SNAPC3: variants seen among roughly 807,000 people sequenced by gnomAD.
The protein encoded by SNAPC3 is small nuclear RNA activating complex polypeptide 3.
A neutral mutation model predicts 47.7 loss-of-function variants in SNAPC3; 56 were observed. The ratio of observed to expected loss-of-function variants is 1.18; its 90% CI spans 0.95 to 1.47. The LOEUF (loss-of-function observed/expected upper bound fraction) is 1.47, where lower values mean the gene tolerates loss of function less well. SNAPC3 is among the 40% of genes most tolerant of loss of function. SNAPC3 has a pLI of 0.00. For missense variants in SNAPC3, 665 were observed against 511.3 expected (o/e 1.30, Z -2.90); for synonymous variants, 235 against 189.9 (o/e 1.24, Z -1.95).
At position 15,459,921 on chromosome 9, in the gene SNAPC3, G is replaced by T; in HGVS notation, c.*55G>T. On this transcript the variant is annotated 3_prime_UTR_variant, in exon 9 of 9. Coordinates refer to ENST00000380821, the MANE Select transcript of SNAPC3 (RefSeq NM_001039697.2). ...CATGAAATAACTGTTCTCTTGGATG[G>T]TTACCTTATTTCTAAGAAACGCCAC... 3 of 1,508,756 alleles carry T rather than the reference G, an allele frequency of 2.0e-6. No homozygotes were observed. The highest frequency in any genetic ancestry group is 1.2e-5 in the South Asian group (1 of 80,324). 93.5% of individuals were successfully genotyped at this position (1,508,756 alleles called of 1,614,324 possible).
At chr9:15,428,766 C>A (rs1421170539) in intron 2 of SNAPC3, among the ~76,000 whole-genome samples, 1 of 151,214 alleles carries the variant, frequency 6.6e-6, no homozygotes, top group Non-Finnish European at 1.5e-5. Context: ...GAAATGAAAG[C>A]AAGAGGCAAT....
At chr9:15,443,255 G>A (rs576468592) in intron 3 of SNAPC3, among the ~76,000 whole-genome samples, 5 of 152,306 alleles carry the variant, frequency 3.3e-5, no homozygotes, top group Admixed American at 2.0e-4. Flanking sequence ...ATTTATGTGC[G>A]AATGTAACTA....
At chr9:15,465,630 GAAGGAAAAA>G, downstream of SNAPC3, 1 of 1,429,904 alleles carries the variant, frequency 7.0e-7, no homozygotes, top group Non-Finnish European at 9.6e-7. Flanking sequence ...TTCTCCTGAT[GAAGGAAAAA>G]AAGACATTAA....
intron 2 of SNAPC3, among the ~76,000 whole-genome samples, chr9:15,425,695 T>A (rs962291597): frequency 6.6e-6 from 1 of 152,246 alleles, no homozygotes; most frequent in Non-Finnish European, 1.5e-5. Context: ...TATACTGCCT[T>A]GCTCCAATTG....
At chr9:15,442,906 C>T (rs7470323) in intron 3 of SNAPC3, among the ~76,000 whole-genome samples, 124,966 of 152,148 alleles carry the variant, frequency 0.82, 52,481 homozygotes, top group Non-Finnish European at 0.91. Flanking sequence ...AAGGAGACTC[C>T]GTCTGCAATC....
At chr9:15,437,637 T>C (rs1381122915) in intron 3 of SNAPC3, among the ~76,000 whole-genome samples, 1 of 151,502 alleles carries the variant, frequency 6.6e-6, no homozygotes, top group African/African-American at 2.4e-5. Flanking sequence ...TTTTTTTTTT[T>C]TGCCCCATCA....
At chr9:15,456,621 C>A (rs557209135) in intron 7 of SNAPC3, among the ~76,000 whole-genome samples, 1 of 152,220 alleles carries the variant, frequency 6.6e-6, no homozygotes, top group East Asian at 1.9e-4. Context: ...GCATATGCCA[C>A]CATGCCTGGC....
chr9:15,456,362 C>T (rs568128829), intron 7 of SNAPC3, among the ~76,000 whole-genome samples: 13 of 152,206 alleles, frequency 8.5e-5, no homozygotes, highest in African/African-American at 2.9e-4. Context: ...AACGTGATTC[C>T]AAGGCTGAAG....
intron 4 of SNAPC3, 30 bp from the exon 5 acceptor site, chr9:15,447,065 A>AT: frequency 1.2e-6 from 2 of 1,600,926 alleles, no homozygotes; most frequent in Non-Finnish European, 1.7e-6. Flanking sequence ...TTGTCTCTAA[A>AT]TGAACACTTA....
chr9:15,434,439 G>C (rs1231428826), intron 3 of SNAPC3, among the ~76,000 whole-genome samples: 1 of 142,000 alleles, frequency 7.0e-6, no homozygotes, highest in East Asian at 2.0e-4. Flanking sequence ...ACAGAGTCTC[G>C]CTGTGTCGCC....
In SNAPC3 at chr9:15,423,966, T is replaced by C; in HGVS notation, c.372T>C (p.Asn124=). Residue 124 remains asparagine, a synonymous_variant, in exon 2 of 9, where the codon AAT becomes AAC. Transcript: ENST00000380821. ...AGGATCCAGAAGTCATTCCGGAGAA[T>C]ACTGACCTGGTGACTTTGGGGTATG... ...DGEDPEVIPE[N]TDLVTLGVRK... is the part of the protein sequence containing the mutation. 6.3e-7 allele frequency: 1 copy of C among 1,583,800 alleles called. No individual in the cohort carries two copies. Among genetic ancestry groups the C allele is most frequent in the South Asian group, 1.2e-5 (1 of 85,790 alleles).
intron 3 of SNAPC3, among the ~76,000 whole-genome samples, chr9:15,434,228 A>G (rs1357035058): frequency 1.3e-5 from 2 of 152,170 alleles, no homozygotes; most frequent in Non-Finnish European, 2.9e-5. Flanking sequence ...GCTGTAAATC[A>G]TCACCATTTC....
chr9:15,445,762 A>G (rs2033881309), intron 4 of SNAPC3, among the ~76,000 whole-genome samples: 1 of 152,148 alleles, frequency 6.6e-6, no homozygotes, highest in South Asian at 2.1e-4. Flanking sequence ...CAGCCTAGAC[A>G]AAGTGGCAAA....
intron 7 of SNAPC3, among the ~76,000 whole-genome samples, chr9:15,455,853 C>G (rs1039356822): frequency 6.6e-6 from 1 of 151,730 alleles, no homozygotes; most frequent in African/African-American, 2.4e-5. Flanking sequence ...CACGTGCCAC[C>G]TTGTCCGGCT....
At chr9:15,449,456 A>G (rs1286114494) in intron 5 of SNAPC3, among the ~76,000 whole-genome samples, 1 of 150,634 alleles carries the variant, frequency 6.6e-6, no homozygotes, top group African/African-American at 2.4e-5. Flanking sequence ...TTTTTTAAGC[A>G]GGGATTAAAT....
rs2031273028 is a variant in SNAPC3 at position 15,425,622 on chromosome 9, C to G, written c.392+1636C>G. On this transcript the variant is annotated intron_variant, in intron 2 of 8. Transcript: ENST00000380821. ...ATACTGCCTTAAACTCTTAACATTT[C>G]TAAAGTCCTTGAAGGCTCAATGAGA... Among the ~76,000 whole-genome samples, 6 of 152,298 alleles carry G rather than the reference C, an allele frequency of 3.9e-5. No homozygotes were observed. In the South Asian group the frequency reaches 1.2e-3, roughly 32 times the overall value.
At chr9:15,463,493 AGGGGTGGGGTGGGGT>A (rs141949120), downstream of SNAPC3, 23 of 116,632 alleles carry the variant, frequency 2.0e-4, no homozygotes, top group East Asian at 2.1e-3. Context: ...TACTTTTTGG[AGGGGTGGGGTGGGGT>A]GGGGTGGGGT....
chr9:15,446,894 C>G (rs1010858812), intron 4 of SNAPC3, among the ~76,000 whole-genome samples: 1 of 152,056 alleles, frequency 6.6e-6, no homozygotes, highest in Non-Finnish European at 1.5e-5. Flanking sequence ...CAGAGTGGCT[C>G]TGGATCACAG....
chr9:15,457,929 C>T (rs1055796838), intron 7 of SNAPC3, 31 bp from the exon 8 acceptor site: 6 of 1,326,040 alleles, frequency 4.5e-6, no homozygotes, highest in Non-Finnish European at 6.4e-6. Flanking sequence ...TATTTGTCAC[C>T]TTAATATCTT....
Sources: gnomAD v4.1 joint callset for allele counts (sites outside exome capture counted in the v4.1 genomes callset) on GRCh38, gnomAD v4.1.1 for gene constraint, MANE v1.5 for transcripts, NCBI Gene and HGNC (gene_info 2026-07-23, HGNC 2026-07-21) for gene names.